TENM3: variants seen among roughly 807,000 people sequenced by gnomAD.
TENM3 encodes teneurin-3.
A neutral mutation model predicts 255.1 loss-of-function variants in TENM3; 63 were observed. The observed-to-expected ratio is 0.25, with a 90% CI of 0.20 to 0.30. The LOEUF is 0.30. TENM3 is among the 10% of genes least tolerant of loss of function. TENM3 has a pLI of 1.00. For missense variants in TENM3, 2,929 were observed against 3,461.1 expected (o/e 0.85, Z 3.86); for synonymous variants, 1,306 against 1,322.3 (o/e 0.99, Z 0.27).
chr4:182,455,607 G>C lies in TENM3; in HGVS notation c.511+108678G>C, dbSNP rs184831903. Among the ~76,000 whole-genome samples the C allele has an allele frequency of 7.1e-3, 1,022 of 143,726 alleles. 20 individuals carry two copies. The highest frequency in any genetic ancestry group is 0.02 in the Admixed American group (272 of 13,760). The allele number at this position is 143,726 out of a possible 152,430, so 94.3% of individuals were successfully genotyped here. On this transcript the variant is annotated intron_variant, in intron 3 of 27. Transcript: ENST00000511685. The stretch of plus-strand genomic sequence containing the variant: ...GACCGAGTCTCACTAGGCTGACCAG[G>C]CTGGAGTGCAGTGGCATGATCTCGC...
chr4:181,918,648 GT>G, the TENM3 span, among the ~76,000 whole-genome samples: 1 of 151,840 alleles, frequency 6.6e-6, no homozygotes, highest in Non-Finnish European at 1.5e-5. Context: ...GTGTTTATAG[GT>G]TTTCAATTAA....
At chr4:182,592,128 CT>C (rs77448760) in intron 3 of TENM3, among the ~76,000 whole-genome samples, 18,112 of 137,528 alleles carry the variant, frequency 0.13, 1,187 homozygotes, top group Non-Finnish European at 0.16. Context: ...TTCTTTTCTT[CT>C]TTTTTTTTTT....
the TENM3 span, among the ~76,000 whole-genome samples, chr4:181,564,995 G>A: frequency 4.5e-4 from 68 of 152,210 alleles, no homozygotes; most frequent in South Asian, 0.01. Context: ...CCTTTTATCC[G>A]AGGACCTCCA....
the TENM3 span, among the ~76,000 whole-genome samples, chr4:181,987,328 G>A: frequency 2.6e-5 from 4 of 152,082 alleles, no homozygotes; most frequent in Admixed American, 1.3e-4. Context: ...AAGGGAATCC[G>A]ATAAGAAGAA....
Position 182,193,395 on chromosome 4 carries a change from G to A in TENM3, c.-76+48641G>A, listed in dbSNP as rs531538768. ...ACTCAAACTGACATCTAATTCCCCC[G>A]GACAATAGGTACAAGACTGCGAGCC... On this transcript the variant is annotated intron_variant, in intron 1 of 2. Transcript: ENST00000512480. 2.1e-3 allele frequency among the ~76,000 whole-genome samples: 312 copies of A among 152,152 alleles called. 1 individual carries two copies. In the Middle Eastern group the frequency reaches 0.024, roughly 12 times the overall value.
At chr4:181,624,701 A>G in the TENM3 span, among the ~76,000 whole-genome samples, 1 of 152,246 alleles carries the variant, frequency 6.6e-6, no homozygotes, top group Non-Finnish European at 1.5e-5. Context: ...CTATTGCTGC[A>G]TAATGAACCA....
At chr4:181,888,618 G>GTGTGT in the TENM3 span, among the ~76,000 whole-genome samples, 4 of 111,780 alleles carry the variant, frequency 3.6e-5, no homozygotes, top group East Asian at 5.2e-4. Context: ...GTGTGTGTGT[G>GTGTGT]GAAAGAGAGA....
chr4:182,427,758 G>A (rs1431943141), intron 3 of TENM3, among the ~76,000 whole-genome samples: 1 of 152,158 alleles, frequency 6.6e-6, no homozygotes, highest in Non-Finnish European at 1.5e-5. Context: ...ATATTAAGAG[G>A]CTTTGGCTGA....
chr4:182,382,800 T>C (rs1232669451), intron 3 of TENM3, among the ~76,000 whole-genome samples: 2 of 152,186 alleles, frequency 1.3e-5, no homozygotes, highest in East Asian at 3.9e-4. Flanking sequence ...TCATTATGTT[T>C]ATCACACATA....
At chr4:182,583,333 CTGTGTGTGTG>C (rs3073440) in intron 3 of TENM3, among the ~76,000 whole-genome samples, 156 of 143,500 alleles carry the variant, frequency 1.1e-3, no homozygotes, top group South Asian at 2.6e-3. Flanking sequence ...GCTTAAACCT[CTGTGTGTGTG>C]TGTGTGTGTG....
intron 12 of TENM3, chr4:182,707,833 G>A (rs1758397212): frequency 6.6e-6 from 1 of 152,144 alleles, no homozygotes; most frequent in Non-Finnish European, 1.5e-5. Flanking sequence ...ATTAGCCTTG[G>A]CATTTAGAGT....
chr4:182,738,365 G>A (rs540842688), intron 17 of TENM3, 36 bp from the exon 18 acceptor site: 16 of 1,528,388 alleles, frequency 1.0e-5, no homozygotes, highest in Admixed American at 8.1e-5. Context: ...TCCCCCAGTC[G>A]TTGGAAAGAT....
Position 182,173,556 on chromosome 4 carries a change from G to C in TENM3, c.-76+28802G>C, listed in dbSNP as rs185872557. Reference sequence around the variant, plus strand: ...TTATGGAGTTTGGAAAAGTATCAAGGTCAGGTGCACGGATATAATCCTATG... The same window carrying C: ...TTATGGAGTTTGGAAAAGTATCAAGCTCAGGTGCACGGATATAATCCTATG... On this transcript the variant is annotated intron_variant, in intron 1 of 2. Coordinates refer to the TENM3 transcript ENST00000512480. Among the ~76,000 whole-genome samples, 3 of 152,284 alleles carry C rather than the reference G, an allele frequency of 2.0e-5. No individual in the cohort carries two copies. The East Asian group carries it at 5.8e-4, about 29-fold the overall frequency.
chr4:182,731,717 G>C (rs886386432), intron 16 of TENM3, among the ~76,000 whole-genome samples: 2 of 150,460 alleles, frequency 1.3e-5, no homozygotes, highest in Admixed American at 6.6e-5. Context: ...GTGTGTGTGT[G>C]TGTGTGTGTG....
chr4:181,759,734 G>A, the TENM3 span, among the ~76,000 whole-genome samples: 2 of 151,330 alleles, frequency 1.3e-5, no homozygotes, highest in Admixed American at 6.6e-5. Context: ...ATGTGTGTGT[G>A]TGTGTGTGTG....
At chr4:181,819,358 G>GT in the TENM3 span, among the ~76,000 whole-genome samples, 1 of 152,088 alleles carries the variant, frequency 6.6e-6, no homozygotes, top group African/African-American at 2.4e-5. Context: ...AAGAATAAAA[G>GT]TAATAAAAAT....
the TENM3 span, among the ~76,000 whole-genome samples, chr4:181,767,530 C>G: frequency 6.6e-6 from 1 of 151,870 alleles, no homozygotes; most frequent in African/African-American, 2.4e-5. Flanking sequence ...AGTACGTTGC[C>G]TTTCTTGTCT....
chr4:181,747,217 A>C, the TENM3 span, among the ~76,000 whole-genome samples: 1 of 152,038 alleles, frequency 6.6e-6, no homozygotes, highest in Admixed American at 6.5e-5. Flanking sequence ...AGTTAATAGA[A>C]GGAGAAATTT....
intron 1 of TENM3, among the ~76,000 whole-genome samples, chr4:182,265,124 G>C (rs567728875): frequency 1.2e-3 from 181 of 152,230 alleles, no homozygotes; most frequent in Non-Finnish European, 2.9e-4. Context: ...AAGGCAGGTA[G>C]TTCCCTCTCA....
Sources: allele counts gnomAD v4.1 joint callset (sites outside exome capture counted in the v4.1 genomes callset), GRCh38; gene constraint gnomAD v4.1.1; transcripts MANE v1.5; gene names NCBI Gene and HGNC (gene_info 2026-07-23, HGNC 2026-07-21).